Variants in MICU1 observed in about 807,000 individuals in gnomAD.
MICU1 encodes the protein mitochondrial calcium uptake 1.
In MICU1, 45 loss-of-function variants were observed where a neutral mutation model predicts 56.8. The ratio of observed to expected loss-of-function variants is 0.79; its 90% CI spans 0.62 to 1.02. The LOEUF is 1.02. Among genes scored for constraint, MICU1 ranks in the 50% least tolerant of loss-of-function variants. MICU1 has a pLI of 0.00. For synonymous variants in MICU1, 186 were observed against 195.1 expected (o/e 0.95, Z 0.39); for missense variants, 504 against 587.1 (o/e 0.86, Z 1.46).
rs759009002 is a variant in MICU1, at chr10:72,498,710, A to G, written c.652+9445T>C. Reference sequence around the variant, plus strand: ...ACCAAGGGCAAACCTCCTCTCTTCAATATCTCCCATTTGATCCTCAGATAC... The same window carrying G: ...ACCAAGGGCAAACCTCCTCTCTTCAGTATCTCCCATTTGATCCTCAGATAC... On this transcript the variant is annotated intron_variant, in intron 6 of 11. Coordinates refer to ENST00000361114, the MANE Select transcript of MICU1 (RefSeq NM_001195518.2). 3.9e-4 allele frequency among the ~76,000 whole-genome samples: 60 copies of G among 152,204 alleles called. 1 individual carries two copies. The highest frequency in any genetic ancestry group is 8.5e-4 in the Admixed American group (13 of 15,280).
intron 1 of MICU1, among the ~76,000 whole-genome samples, chr10:72,614,941 T>C (rs925903966): frequency 1.3e-5 from 2 of 152,144 alleles, no homozygotes; most frequent in Non-Finnish European, 2.9e-5. Context: ...TAACAGAAAA[T>C]TGACGATTTT....
intron 6 of MICU1, chr10:72,501,643 A>G (rs994859992): frequency 6.6e-6 from 1 of 151,526 alleles, no homozygotes; most frequent in Non-Finnish European, 1.5e-5. Context: ...TGCCAAGGAG[A>G]AAAAATAAAG....
intron 5 of MICU1, among the ~76,000 whole-genome samples, chr10:72,515,439 T>C (rs1867618238): frequency 6.6e-6 from 1 of 152,166 alleles, no homozygotes; most frequent in Non-Finnish European, 1.5e-5. Flanking sequence ...TGAGTTATAT[T>C]GTAGAATATC....
chr10:72,390,710 G>C (rs993145261), intron 10 of MICU1, among the ~76,000 whole-genome samples: 1 of 152,070 alleles, frequency 6.6e-6, no homozygotes, highest in Non-Finnish European at 1.5e-5. Flanking sequence ...CACAGCAGAA[G>C]CCAGATAAAA....
chr10:72,467,411 T>C lies in MICU1; in HGVS notation c.933+7689A>G, dbSNP rs183740986. On this transcript the variant is annotated intron_variant, in intron 8 of 11. Coordinates refer to ENST00000361114, the MANE Select transcript of MICU1 (RefSeq NM_001195518.2). Reference sequence around the variant, plus strand: ...CTTGGTCAGCCTAGTCTCATACTCCTGACCTCAGGTGATCCACCCACTCTT... The same window carrying C: ...CTTGGTCAGCCTAGTCTCATACTCCCGACCTCAGGTGATCCACCCACTCTT... Among the ~76,000 whole-genome samples the C allele has an allele frequency of 5.1e-3, 779 of 152,294 alleles. 1 individual carries two copies. Among genetic ancestry groups the C allele is most frequent in the Non-Finnish European group, 8.7e-3 (590 of 68,024 alleles).
chr10:72,427,303 T>C (rs34995195), intron 8 of MICU1, among the ~76,000 whole-genome samples: 91,742 of 152,094 alleles, frequency 0.6, 28,953 homozygotes, highest in Non-Finnish European at 0.67. Context: ...CTTGTTCCCA[T>C]CCGTCCCTTG....
intron 6 of MICU1, among the ~76,000 whole-genome samples, chr10:72,485,916 C>CA (rs113563540): frequency 2.0e-5 from 3 of 151,430 alleles, no homozygotes; most frequent in African/African-American, 7.3e-5. Context: ...CACACACACA[C>CA]CCCCTATGTG....
At chr10:72,456,809 T>C (rs984253795) in intron 8 of MICU1, among the ~76,000 whole-genome samples, 6 of 150,942 alleles carry the variant, frequency 4.0e-5, no homozygotes, top group Admixed American at 1.3e-4. Context: ...CCACCCCAGC[T>C]TCCCAAGTAG....
At chr10:72,458,153 T>A (rs1865530269) in intron 8 of MICU1, among the ~76,000 whole-genome samples, 4 of 138,594 alleles carry the variant, frequency 2.9e-5, no homozygotes, top group Non-Finnish European at 1.6e-5. Context: ...GCAACAAGAG[T>A]AAAAATCCAT....
intron 11 of MICU1, among the ~76,000 whole-genome samples, chr10:72,375,327 G>C (rs961483400): frequency 5.9e-5 from 9 of 152,188 alleles, no homozygotes; most frequent in Non-Finnish European, 1.0e-4. Flanking sequence ...CTAAATGACA[G>C]AGCAGAGTGG....
At chr10:72,435,819 C>T (rs1408087087) in intron 8 of MICU1, among the ~76,000 whole-genome samples, 2 of 152,264 alleles carry the variant, frequency 1.3e-5, no homozygotes. Context: ...AACTGCAAGG[C>T]TGCAGCTGGG....
At chr10:72,527,776 C>T (rs751307459) in intron 5 of MICU1, among the ~76,000 whole-genome samples, 8 of 152,100 alleles carry the variant, frequency 5.3e-5, no homozygotes, top group African/African-American at 9.7e-5. Flanking sequence ...TTATTATTGA[C>T]GATAATTCCC....
At chr10:72,503,919 G>C (rs569044496) in intron 6 of MICU1, among the ~76,000 whole-genome samples, 1 of 150,586 alleles carries the variant, frequency 6.6e-6, no homozygotes, top group Admixed American at 6.6e-5. Context: ...AGGAATATAC[G>C]TGACCAAGAA....
At chr10:72,456,018 T>G (rs1355205078) in intron 8 of MICU1, among the ~76,000 whole-genome samples, 1 of 152,154 alleles carries the variant, frequency 6.6e-6, no homozygotes, top group Non-Finnish European at 1.5e-5. Context: ...GCAACTGTCT[T>G]CTGGGAAGGA....
chr10:72,437,060 C>T (rs1207045278), intron 8 of MICU1, among the ~76,000 whole-genome samples: 1 of 152,132 alleles, frequency 6.6e-6, no homozygotes, highest in Non-Finnish European at 1.5e-5. Flanking sequence ...CACAAAGATA[C>T]TCCTCGAGAA....
intron 8 of MICU1, among the ~76,000 whole-genome samples, chr10:72,446,752 T>A (rs1865118370): frequency 6.6e-6 from 1 of 152,202 alleles, no homozygotes; most frequent in Admixed American, 6.6e-5. Flanking sequence ...CTCAAACCAA[T>A]GTTTCTTTTA....
At chr10:72,390,110 G>A (rs1863021680) in intron 10 of MICU1, among the ~76,000 whole-genome samples, 3 of 151,958 alleles carry the variant, frequency 2.0e-5, no homozygotes, top group Admixed American at 2.0e-4. Context: ...TCTCACATGG[G>A]TCATGCAGAA....
chr10:72,524,865 T>C, intron 5 of MICU1: 1 of 576,340 alleles, frequency 1.7e-6, no homozygotes, highest in Non-Finnish European at 2.6e-6. Flanking sequence ...CCTGTAATAA[T>C]ATCACTGAAC....
intron 8 of MICU1, among the ~76,000 whole-genome samples, chr10:72,454,744 C>T (rs1269692578): frequency 6.8e-6 from 1 of 147,502 alleles, no homozygotes; most frequent in Non-Finnish European, 1.5e-5. Flanking sequence ...GATCACACCA[C>T]TGCACTCCAG....
Sources: gnomAD v4.1 joint callset for allele counts (sites outside exome capture counted in the v4.1 genomes callset) on GRCh38, gnomAD v4.1.1 for gene constraint, MANE v1.5 for transcripts, NCBI Gene and HGNC (gene_info 2026-07-23, HGNC 2026-07-21) for gene names.